NRXN3: variants seen among roughly 807,000 people sequenced by gnomAD.
NRXN3 encodes the protein neurexin 3, also known as neurexin III.
In NRXN3, 32 loss-of-function variants were observed where a neutral mutation model predicts 137.6. The ratio of observed to expected loss-of-function variants is 0.23; its 90% CI spans 0.18 to 0.31. NRXN3 has a LOEUF of 0.31. Ranked by LOEUF, NRXN3 falls within the 10% of genes least tolerant of loss-of-function variation. NRXN3 has a pLI of 1.00. For synonymous variants in NRXN3, 798 were observed against 784.5 expected, an observed-to-expected ratio of 1.02 and a Z score of -0.29; for missense variants, 1,574 against 2,062.5, an observed-to-expected ratio of 0.76 and a Z score of 4.59.
intron 19 of NRXN3, among the ~76,000 whole-genome samples, chr14:79,771,356 C>T (rs527702428): frequency 6.6e-6 from 1 of 152,300 alleles, no homozygotes; most frequent in African/African-American, 2.4e-5. Flanking sequence ...CCTTGATGAA[C>T]ATTGATGCAA....
intron 4 of NRXN3, among the ~76,000 whole-genome samples, chr14:78,441,270 C>T (rs1256445971): frequency 6.6e-6 from 1 of 152,128 alleles, no homozygotes; most frequent in Non-Finnish European, 1.5e-5. Flanking sequence ...TTCTTGATCT[C>T]ATCCTTCTTT....
chr14:78,921,465 G>C (rs1485281364), intron 10 of NRXN3, among the ~76,000 whole-genome samples: 2 of 152,332 alleles, frequency 1.3e-5, no homozygotes, highest in South Asian at 2.1e-4. Flanking sequence ...AGTAAACTGG[G>C]AGGAGGAAGG....
At chr14:78,671,720 A>C (rs2097938086) in intron 6 of NRXN3, among the ~76,000 whole-genome samples, 1 of 152,168 alleles carries the variant, frequency 6.6e-6, no homozygotes, top group Non-Finnish European at 1.5e-5. Flanking sequence ...GATTAGCTCT[A>C]TCATTAGATT....
rs2099361699 is a variant in NRXN3, at chr14:79,843,961, A to G, written c.4094-17381A>G. 1.3e-5 allele frequency among the ~76,000 whole-genome samples: 2 copies of G among 152,068 alleles called. 1 individual carries two copies. Among genetic ancestry groups the G allele is most frequent in the Admixed American group, 1.3e-4 (2 of 15,274 alleles). ...ATCATTCTTGTACCTTTGTGTCCTC[A>G]TAGCTTATCTCCCACCTATAAGAGA... On this transcript the variant is annotated intron_variant, in intron 20 of 20. Transcript: ENST00000335750.
chr14:78,891,335 C>G (rs1212836081), intron 10 of NRXN3, among the ~76,000 whole-genome samples: 3 of 151,958 alleles, frequency 2.0e-5, no homozygotes, highest in African/African-American at 7.2e-5. Context: ...TGTCTGAGGT[C>G]ATGCTCTAGT....
At chr14:79,580,913 T>C (rs1300784686) in intron 16 of NRXN3, among the ~76,000 whole-genome samples, 1 of 152,102 alleles carries the variant, frequency 6.6e-6, no homozygotes, top group Non-Finnish European at 1.5e-5. Context: ...TCCTTTCCGA[T>C]AACTTTTTTT....
chr14:79,168,886 T>C (rs865954065), intron 15 of NRXN3, among the ~76,000 whole-genome samples: 2 of 152,080 alleles, frequency 1.3e-5, no homozygotes, highest in Non-Finnish European at 1.5e-5. Context: ...GTGCATTACT[T>C]TGCCTCCTTC....
intron 16 of NRXN3, among the ~76,000 whole-genome samples, chr14:79,601,620 C>T (rs1488400929): frequency 2.0e-5 from 3 of 152,170 alleles, no homozygotes; most frequent in Admixed American, 2.0e-4. Flanking sequence ...ATGCTGTTTT[C>T]TGCAGCAGAC....
chr14:79,542,454 A>G (rs2097282556), intron 16 of NRXN3, among the ~76,000 whole-genome samples: 1 of 152,176 alleles, frequency 6.6e-6, no homozygotes, highest in African/African-American at 2.4e-5. Context: ...CTCTAGACTT[A>G]AATTACTTCT....
At chr14:78,856,865 C>T (rs2099058712) in intron 10 of NRXN3, among the ~76,000 whole-genome samples, 1 of 152,128 alleles carries the variant, frequency 6.6e-6, no homozygotes. Flanking sequence ...TCCCGAGTAG[C>T]TGGGATTACA....
intron 4 of NRXN3, among the ~76,000 whole-genome samples, chr14:78,390,816 A>C (rs146819976): frequency 6.6e-6 from 1 of 152,206 alleles, no homozygotes. Context: ...ATACATGTGC[A>C]GGATGTGCAG....
chr14:79,494,846 C>T (rs771448857), intron 16 of NRXN3, among the ~76,000 whole-genome samples: 3 of 152,172 alleles, frequency 2.0e-5, no homozygotes, highest in Non-Finnish European at 2.9e-5. Context: ...AGTTTTTCCA[C>T]TACTGTCCTT....
chr14:79,433,585 GA>G (rs753277590), intron 15 of NRXN3, among the ~76,000 whole-genome samples: 27 of 149,414 alleles, frequency 1.8e-4, no homozygotes, highest in Admixed American at 5.9e-4. Context: ...AGATGAAAAA[GA>G]AAAAAACTCA....
At chr14:78,983,895 G>A (rs573066214) in intron 14 of NRXN3, among the ~76,000 whole-genome samples, 1 of 151,090 alleles carries the variant, frequency 6.6e-6, no homozygotes, top group African/African-American at 2.4e-5. Flanking sequence ...AAAAAAGGCT[G>A]GAAATTCTCT....
chr14:79,252,827 T>G (rs1245484781), intron 15 of NRXN3, among the ~76,000 whole-genome samples: 1 of 152,088 alleles, frequency 6.6e-6, no homozygotes, highest in African/African-American at 2.4e-5. Context: ...AAGATGAGCC[T>G]CCTCCCTTTC....
At chr14:78,296,693 G>A (rs2076374567) in intron 3 of NRXN3, among the ~76,000 whole-genome samples, 1 of 152,116 alleles carries the variant, frequency 6.6e-6, no homozygotes, top group Non-Finnish European at 1.5e-5. Flanking sequence ...TGACATTTAT[G>A]GCACATGTAT....
At chr14:78,612,117 G>A (rs898668162) in intron 4 of NRXN3, among the ~76,000 whole-genome samples, 9 of 152,300 alleles carry the variant, frequency 5.9e-5, no homozygotes, top group African/African-American at 1.9e-4. Flanking sequence ...GGACATCACT[G>A]ATGGACTTGG....
intron 15 of NRXN3, among the ~76,000 whole-genome samples, chr14:79,148,097 A>C (rs6574497): frequency 6.6e-6 from 1 of 152,100 alleles, no homozygotes; most frequent in Admixed American, 6.5e-5. Context: ...GGTGAAAAAA[A>C]ATATGCAGGG....
chr14:78,632,974 G>A (rs1265193912), intron 4 of NRXN3, among the ~76,000 whole-genome samples: 4 of 152,118 alleles, frequency 2.6e-5, no homozygotes, highest in South Asian at 2.1e-4. Flanking sequence ...AGTGGCTCAC[G>A]CATGTAATCC....
Sources: gnomAD v4.1 joint callset for allele counts (sites outside exome capture counted in the v4.1 genomes callset) on GRCh38, gnomAD v4.1.1 for gene constraint, MANE v1.5 for transcripts, NCBI Gene and HGNC (gene_info 2026-07-23, HGNC 2026-07-21) for gene names.